MYO1A: variants seen among roughly 807,000 people sequenced by gnomAD.
MYO1A encodes the protein unconventional myosin-Ia.
In MYO1A, 127 loss-of-function variants were observed where a neutral mutation model predicts 138.5. That is an observed-to-expected ratio of 0.92 (90% CI 0.79 to 1.06). The LOEUF is 1.06. Among genes scored for constraint, MYO1A ranks in the 50% least tolerant of loss-of-function variants. MYO1A has a pLI of 0.00. For missense variants in MYO1A, 1,211 were observed against 1,288.8 expected, an observed-to-expected ratio of 0.94 and a Z score of 0.92; for synonymous variants, 477 against 497.5, an observed-to-expected ratio of 0.96 and a Z score of 0.55.
Position 57,044,647 on chromosome 12 carries a change from C to T in MYO1A, c.641-438G>A, listed in dbSNP as rs2031016237. On this transcript the variant is annotated intron_variant, in intron 8 of 27. Coordinates refer to ENST00000300119, the MANE Select transcript of MYO1A (RefSeq NM_005379.4). ...AAGCAATCCACCCGCCTCGGCCTCT[C>T]AAAGTGCTGGGATTACAGGCATGAG... Among the ~76,000 whole-genome samples the T allele has an allele frequency of 2.0e-5, 3 of 152,170 alleles. No individual in the cohort carries two copies. The South Asian group carries it at 6.2e-4, about 31-fold the overall frequency.
chr12:57,047,447 C>T (rs1406247814), intron 4 of MYO1A, 40 bp from the exon 5 acceptor site: 4 of 1,585,274 alleles, frequency 2.5e-6, no homozygotes, highest in Non-Finnish European at 2.6e-6. Context: ...CCACCCAGGA[C>T]TAGCCCATCC....
At chr12:57,037,112 G>T (rs746211120) in intron 19 of MYO1A, 21 bp from the exon 20 acceptor site, 3 of 1,613,762 alleles carry the variant, frequency 1.9e-6, no homozygotes, top group Non-Finnish European at 2.5e-6. Context: ...GTGGAAGGGG[G>T]TGACAGAGAG....
rs61753849 is a variant in MYO1A at position 57,041,441 on chromosome 12, C to T, written c.1155G>A (p.Glu385=). 4.3e-6 allele frequency: 7 copies of T among 1,613,446 alleles called. No individual in the cohort carries two copies. Among genetic ancestry groups the T allele is most frequent in the Non-Finnish European group, 5.9e-6 (7 of 1,179,536 alleles). The change falls in exon 13 of 28, where the codon GAG becomes GAA. Residue 385 remains glutamate (E), a synonymous_variant. Transcript: ENST00000300119. The part of the protein sequence containing the change: ...VMGVLDIYGF[E]ILEDNSFEQF... Reference sequence around the variant, plus strand: ...GGTGAGGCACTCTCACCTCTAATATCTCAAAACCGTAGATATCAAGGACTC... The same window carrying T: ...GGTGAGGCACTCTCACCTCTAATATTTCAAAACCGTAGATATCAAGGACTC...
chr12:57,039,452 G>T, intron 14 of MYO1A, 178 bp from the exon 15 acceptor site: 1 of 648,362 alleles, frequency 1.5e-6, no homozygotes, highest in Non-Finnish European at 2.8e-6. Context: ...TGGAGAATTT[G>T]TGGGGTGGGT....
chr12:57,033,642 A>G (rs925272698), intron 22 of MYO1A, among the ~76,000 whole-genome samples: 1 of 152,194 alleles, frequency 6.6e-6, no homozygotes, highest in Non-Finnish European at 1.5e-5. Context: ...TACAGGAGTG[A>G]GTCACCTTGC....
intron 14 of MYO1A, 172 bp from the exon 15 acceptor site, chr12:57,039,446 G>T (rs1259342247): frequency 3.0e-6 from 2 of 657,224 alleles, no homozygotes; most frequent in Non-Finnish European, 5.6e-6. Flanking sequence ...GGTTGGTGGA[G>T]AATTTGTGGG....
chr12:57,047,850 T>C, intron 3 of MYO1A, 129 bp from the exon 4 acceptor site: 1 of 1,561,402 alleles, frequency 6.4e-7, no homozygotes, highest in Non-Finnish European at 8.7e-7. Flanking sequence ...GTGACAGGCC[T>C]TGGAAGGGGC....
chr12:57,044,246 C>T, intron 8 of MYO1A, 37 bp from the exon 9 acceptor site: 1 of 1,566,646 alleles, frequency 6.4e-7, no homozygotes, highest in Non-Finnish European at 8.8e-7. Context: ...GGTTAGTACC[C>T]AGGCTCTCTG....
rs755302683 is a variant in MYO1A at position 57,046,841 on chromosome 12, G to T, written c.541+22C>A. The T allele has an allele frequency of 2.0e-5, 32 of 1,612,646 alleles. 1 individual carries two copies. The South Asian group carries it at 3.5e-4, about 18-fold the overall frequency. ...TGGGAGGCAGGTGGAAGACAGGTGA[G>T]TGGAATTGGGGAGACACGTACAGTT... On this transcript the variant is annotated intron_variant, in intron 7 of 27. Coordinates refer to ENST00000300119, the MANE Select transcript of MYO1A (RefSeq NM_005379.4).
chr12:57,047,036 C>T lies in MYO1A; in HGVS notation c.477+25G>A, dbSNP rs747898255. ...CTCTTAAGCCCCCACATCCTCTCTT[C>T]CCAGGTGGGGAGACATTTACTCACA... On this transcript the variant is annotated intron_variant, in intron 6 of 27. Transcript: ENST00000300119. 1.1e-5 allele frequency: 18 copies of T among 1,613,836 alleles called. No individual in the cohort carries two copies. The South Asian group carries it at 1.5e-4, about 14-fold the overall frequency.
At chr12:57,043,785 G>A in intron 10 of MYO1A, 71 bp downstream of exon 10, 3 of 1,600,270 alleles carry the variant, frequency 1.9e-6, no homozygotes, top group Non-Finnish European at 2.6e-6. Flanking sequence ...TGCTAGAGAT[G>A]GTAGAAGGAC....
chr12:57,046,677 C>G (rs1344152733), intron 7 of MYO1A, 27 bp from the exon 8 acceptor site: 5 of 1,594,884 alleles, frequency 3.1e-6, no homozygotes, highest in Non-Finnish European at 4.3e-6. Context: ...AAAATAATAT[C>G]CTGAGGGCCT....
At chr12:57,040,954 T>TA (rs2030829391) in intron 14 of MYO1A, among the ~76,000 whole-genome samples, 1 of 152,194 alleles carries the variant, frequency 6.6e-6, no homozygotes, top group Non-Finnish European at 1.5e-5. Context: ...TTCCCTCTTG[T>TA]CAGGACTTTC....
Position 57,047,097 on chromosome 12 carries a change from A to G in MYO1A, c.441T>C (p.Asn147=), listed in dbSNP as rs994300957. 4 of 1,614,180 alleles carry G rather than the reference A, an allele frequency of 2.5e-6. No individual in the cohort carries two copies. The highest frequency in any genetic ancestry group is 3.4e-6 in the Non-Finnish European group (4 of 1,180,022). ...QSNPVLEAFG[N]AKTIRNNNSS... is the part of the protein sequence containing the mutation. Reference sequence around the variant, plus strand: ...AATTGTTGTTGCGAATGGTCTTGGCATTGCCAAAAGCTACAGAGATGAGGA... The same window carrying G: ...AATTGTTGTTGCGAATGGTCTTGGCGTTGCCAAAAGCTACAGAGATGAGGA... Residue 147 remains asparagine (N), a synonymous_variant, in exon 6 of 28, where the codon AAT becomes AAC. Transcript: ENST00000300119.
At position 57,041,474 on chromosome 12, in the gene MYO1A, C is replaced by G. The variant is rs146772889; in HGVS notation, c.1122G>C (p.Lys374Asn). 19 of 1,613,734 alleles carry G rather than the reference C, an allele frequency of 1.2e-5. No individual in the cohort carries two copies. The highest frequency in any genetic ancestry group is 1.6e-5 in the Non-Finnish European group (19 of 1,179,758). Residue 374 changes from lysine to asparagine, a missense_variant, in exon 13 of 28, where the codon AAG becomes AAC. Coordinates refer to ENST00000300119, the MANE Select transcript of MYO1A (RefSeq NM_005379.4). The part of the protein sequence containing the change: ...SIKVGIGEKK[K>N]VMGVLDIYGF... ...CGTAGATATCAAGGACTCCCATTAC[C>G]TTCTTCTTTTCCCCGATGCCCACCT...
Position 57,038,001 on chromosome 12 carries a change from C to G in MYO1A, c.1829G>C (p.Arg610Pro), listed in dbSNP as rs368223948. 1 of 1,614,068 alleles carries G rather than the reference C, an allele frequency of 6.2e-7. No homozygotes were observed. Among genetic ancestry groups the G allele is most frequent in the Non-Finnish European group, 8.5e-7 (1 of 1,180,040 alleles). ...TACGTTCTCCAGCAGTCCCAGGTAC[C>G]GAGCCTGGGTTGCCACCAGGTCTGA... is the stretch of plus-strand genomic sequence containing the variant. ...FSSDLVATQA[R>P]YLGLLENVRV... Residue 610 changes from arginine (R) to proline (P), a missense_variant, in exon 18 of 28, where the codon CGG becomes CCG. Arg to Pro is a moderately radical substitution (Grantham distance 103). Transcript: ENST00000300119.
At chr12:57,034,247 G>C (rs1040673883) in intron 22 of MYO1A, among the ~76,000 whole-genome samples, 1 of 152,204 alleles carries the variant, frequency 6.6e-6, no homozygotes, top group South Asian at 2.1e-4. Context: ...CCCCCGGCAA[G>C]TTATTTAACC....
intron 12 of MYO1A, 95 bp downstream of exon 12, chr12:57,042,977 C>T (rs1339128812): frequency 5.0e-6 from 6 of 1,192,944 alleles, no homozygotes; most frequent in East Asian, 2.3e-5. Flanking sequence ...ATCCTCCCTA[C>T]TCTGCTCATC....
intron 19 of MYO1A, 116 bp from the exon 20 acceptor site, chr12:57,037,207 GTCT>G: frequency 7.7e-7 from 1 of 1,291,800 alleles, no homozygotes; most frequent in Non-Finnish European, 1.1e-6. Flanking sequence ...TCATTCCTTT[GTCT>G]TCTTAGTTTG....
Sources: allele counts gnomAD v4.1 joint callset (sites outside exome capture counted in the v4.1 genomes callset), GRCh38; gene constraint gnomAD v4.1.1; transcripts MANE v1.5; gene names NCBI Gene and HGNC (gene_info 2026-07-23, HGNC 2026-07-21).